The following NAV1 variants were observed in gnomAD, a reference collection of about 807,000 sequenced individuals.
NAV1 encodes the protein neuron navigator 1.
A neutral mutation model predicts 175.2 loss-of-function variants in NAV1; 18 were observed. The observed-to-expected ratio is 0.10, with a 90% CI of 0.07 to 0.15. NAV1 has a LOEUF of 0.15. NAV1 is among the 10% of genes least tolerant of loss of function. The probability of loss-of-function intolerance (pLI) is 1.00; values close to 1 mark genes in which losing one functional copy is unlikely to be tolerated. For synonymous variants in NAV1, 897 were observed against 978.7 expected (o/e 0.92, Z 1.56); for missense variants, 1,731 against 2,436.6 (o/e 0.71, Z 6.10).
chr1:201,684,252 A>T (rs1216244703), intron 1 of NAV1, among the ~76,000 whole-genome samples: 1 of 152,108 alleles, frequency 6.6e-6, no homozygotes, highest in Non-Finnish European at 1.5e-5. Context: ...AGAATCTGAG[A>T]TCTGAGTGCT....
intron 1 of NAV1, among the ~76,000 whole-genome samples, chr1:201,680,951 G>A (rs983447716): frequency 2.0e-5 from 3 of 152,064 alleles, no homozygotes; most frequent in South Asian, 2.1e-4. Context: ...TGGTTCAATC[G>A]CAAGTCTTGT....
chr1:201,777,203 A>G (rs1676009243), intron 3 of NAV1, among the ~76,000 whole-genome samples: 1 of 152,254 alleles, frequency 6.6e-6, no homozygotes, highest in African/African-American at 2.4e-5. Flanking sequence ...AACAACAAAG[A>G]GGAAGACTGA....
At chr1:201,624,510 A>AT (rs995988199) in intron 1 of NAV1, among the ~76,000 whole-genome samples, 37 of 149,720 alleles carry the variant, frequency 2.5e-4, no homozygotes, top group East Asian at 3.9e-4. Context: ...CACCTGGCTA[A>AT]TTTTTTTTTG....
chr1:201,581,968 C>T (rs950230390), intron 1 of NAV1, among the ~76,000 whole-genome samples: 3 of 152,236 alleles, frequency 2.0e-5, no homozygotes, highest in South Asian at 2.1e-4. Context: ...TGGTGGCGGG[C>T]GCCTGTAGTC....
At chr1:201,783,755 C>T (rs768163524) in exon 7 of NAV1, 4 of 1,614,034 alleles carry the variant, frequency 2.5e-6, no homozygotes, top group Non-Finnish European at 3.4e-6. Context: ...CAGCAGTACT[C>T]CCGTCCCCAC....
intron 1 of NAV1, among the ~76,000 whole-genome samples, chr1:201,549,152 C>T (rs895598064): frequency 1.5e-5 from 2 of 137,916 alleles, no homozygotes; most frequent in Non-Finnish European, 3.1e-5. Flanking sequence ...TCTTCTTTCT[C>T]TCTCTCTCTT....
intron 1 of NAV1, among the ~76,000 whole-genome samples, chr1:201,668,237 T>C (rs1198942379): frequency 6.6e-6 from 1 of 152,070 alleles, no homozygotes; most frequent in African/African-American, 2.4e-5. Flanking sequence ...GAGGCTCCCA[T>C]CCCTCCGCCT....
At chr1:201,559,016 G>T (rs1228177483) in intron 1 of NAV1, among the ~76,000 whole-genome samples, 1 of 152,068 alleles carries the variant, frequency 6.6e-6, no homozygotes, top group African/African-American at 2.4e-5. Flanking sequence ...CATATTATGG[G>T]GTATCGTTTT....
At chr1:201,801,408 C>CT (rs1448301966) in intron 15 of NAV1, among the ~76,000 whole-genome samples, 1 of 152,228 alleles carries the variant, frequency 6.6e-6, no homozygotes, top group Non-Finnish European at 1.5e-5. Flanking sequence ...CAAATAGCCA[C>CT]TTTACTACTC....
chr1:201,788,421 C>T lies in NAV1; in HGVS notation c.2996-47C>T. On this transcript the variant is annotated intron_variant, in intron 9 of 29. Coordinates refer to ENST00000367296, the Ensembl canonical transcript of NAV1. This position sits in a 1 kb window ranked among gnomAD's most constrained non-coding sequence, Gnocchi z 5.7. ...AGAGCTGATGACCCTGCCTCTTTTC[C>T]TGCCCTCCTGCTCCCTCTCCTGTCC... 6.2e-7 allele frequency: 1 copy of T among 1,608,502 alleles called. No individual in the cohort carries two copies. Among genetic ancestry groups the T allele is most frequent in the Non-Finnish European group, 8.5e-7 (1 of 1,176,718 alleles).
rs372001574 is a variant in NAV1 at position 201,740,277 on chromosome 1, C to T, written c.1226+21522C>T. On this transcript the variant is annotated intron_variant, in intron 3 of 29. Transcript: ENST00000367296. This position sits in a 1 kb window ranked among gnomAD's most constrained non-coding sequence, Gnocchi z 4.7. ...GGAGTGCCTGCGCCGCCGGAGCCTCCGAGCTCCTGGACGTTTGGCTTACGG... is the reference window on the plus strand; with the variant it reads ...GGAGTGCCTGCGCCGCCGGAGCCTCTGAGCTCCTGGACGTTTGGCTTACGG... Among the ~76,000 whole-genome samples the T allele has an allele frequency of 6.6e-6, 1 of 152,222 alleles. No homozygotes were observed. The highest frequency in any genetic ancestry group is 1.9e-4 in the East Asian group (1 of 5,192).
intron 2 of NAV1, among the ~76,000 whole-genome samples, chr1:201,609,145 G>C (rs557865331): frequency 6.3e-4 from 96 of 152,338 alleles, no homozygotes; most frequent in African/African-American, 2.1e-3. Flanking sequence ...GCATGTGACT[G>C]CTGGGCCTGC....
chr1:201,816,934 TA>T, intron 28 of NAV1, 153 bp from the exon 33 acceptor site: 1 of 655,266 alleles, frequency 1.5e-6, no homozygotes, highest in Non-Finnish European at 2.6e-6. Context: ...TTGGCCTCCC[TA>T]AATGCTGGGA....
exon 1 of NAV1, chr1:201,649,097 G>C (rs2102331714): frequency 6.2e-7 from 1 of 1,613,016 alleles, no homozygotes; most frequent in East Asian, 2.2e-5. Context: ...CCAAGTCGGA[G>C]CACTCGCTCT....
In NAV1 at chr1:201,767,070, C is replaced by T. The variant is rs865977223; in HGVS notation, c.1227-13351C>T. Among the ~76,000 whole-genome samples the T allele has an allele frequency of 5.3e-5, 8 of 151,954 alleles. No individual in the cohort carries two copies. The Middle Eastern group carries it at 0.01, about 194-fold the overall frequency. On this transcript the variant is annotated intron_variant, in intron 3 of 29. Transcript: ENST00000367296. ...TCCTGACCTTGTGATCCACCTGCCT[C>T]GCCCTCCCAAAGTGCTGGGATTACA... is the stretch of plus-strand genomic sequence containing the variant.
intron 1 of NAV1, among the ~76,000 whole-genome samples, chr1:201,692,604 C>T (rs1671001192): frequency 1.3e-5 from 2 of 152,180 alleles, no homozygotes; most frequent in Non-Finnish European, 2.9e-5. Flanking sequence ...TGATTTGTGT[C>T]TGACAGGGGA....
exon 1 of NAV1, chr1:201,623,183 G>A: frequency 2.0e-6 from 2 of 985,972 alleles, no homozygotes; most frequent in Non-Finnish European, 2.4e-6. Context: ...AGCTCCCCAT[G>A]GAATAGTCCC....
At chr1:201,658,819 A>G (rs868176539) in intron 1 of NAV1, among the ~76,000 whole-genome samples, 78 of 152,318 alleles carry the variant, frequency 5.1e-4, no homozygotes, top group African/African-American at 1.7e-3. Flanking sequence ...CTTGCAGCCT[A>G]TGCAGTGCCC....
intron 1 of NAV1, among the ~76,000 whole-genome samples, chr1:201,583,748 T>C (rs1040098286): frequency 6.6e-6 from 1 of 152,212 alleles, no homozygotes; most frequent in Non-Finnish European, 1.5e-5. Flanking sequence ...AAACCTCCGG[T>C]CTTCTATTCT....
Sources: gnomAD v4.1 joint callset for allele counts (sites outside exome capture counted in the v4.1 genomes callset) on GRCh38, gnomAD v4.1.1 for gene constraint, Gnocchi (gnomAD v3.1) non-coding constraint, MANE v1.5 for transcripts, NCBI Gene and HGNC (gene_info 2026-07-23, HGNC 2026-07-21) for gene names.